Variants in IPPK observed in about 807,000 individuals in gnomAD.
IPPK encodes the protein inositol-pentakisphosphate 2-kinase.
IPPK carries 22 observed loss-of-function variants against 64.6 expected under a neutral mutation model. That is an observed-to-expected ratio of 0.34 (90% confidence interval 0.24 to 0.49). IPPK has a LOEUF of 0.49. Ranked by LOEUF, IPPK falls within the 20% of genes least tolerant of loss-of-function variation. The pLI is 0.99. For missense variants in IPPK, 532 were observed against 630.7 expected (o/e 0.84, Z 1.68); for synonymous variants, 262 against 247.2 (o/e 1.06, Z -0.56).
chr9:92,621,675 C>T (rs753403288), intron 11 of IPPK, among the ~76,000 whole-genome samples: 1 of 151,900 alleles, frequency 6.6e-6, no homozygotes, highest in African/African-American at 2.4e-5. Context: ...CCACCATACT[C>T]GGCTGATTTT....
rs1464940202 is a variant in IPPK, at chr9:92,669,766, G to A, written c.81+142C>T. 13 of 622,704 alleles carry A rather than the reference G, an allele frequency of 2.1e-5. No individual in the cohort carries two copies. The Admixed American group carries it at 3.0e-4, about 14-fold the overall frequency. 38.6% of individuals were successfully genotyped at this position (622,704 alleles called of 1,614,324 possible). On this transcript the variant is annotated intron_variant, in intron 1 of 12. Coordinates refer to ENST00000287996, the MANE Select transcript of IPPK (RefSeq NM_022755.6). ...GTAGGGGGGGATGCTGGAGGGTGGG[G>A]GAATTCCGGAGACCGGCCGGGGAGG...
chr9:92,654,777 C>G lies in IPPK; in HGVS notation c.225+1679G>C, dbSNP rs548574228. ...CATCACCCTCTAAATGGCAAAGGGA[C>G]AACTGCTCAGAAGGACAAAGAGCCG... On this transcript the variant is annotated intron_variant, in intron 3 of 12. Coordinates refer to ENST00000287996, the MANE Select transcript of IPPK (RefSeq NM_022755.6). Among the ~76,000 whole-genome samples the G allele has an allele frequency of 3.3e-5, 5 of 152,320 alleles. No homozygotes were observed. The South Asian group carries it at 1.0e-3, about 32-fold the overall frequency.
chr9:92,659,613 C>G (rs572624526), intron 1 of IPPK, among the ~76,000 whole-genome samples: 69 of 152,252 alleles, frequency 4.5e-4, no homozygotes, highest in African/African-American at 1.5e-3. Flanking sequence ...GTGGGGGGTC[C>G]AATGCCCTGG....
At chr9:92,657,559 TCTG>T (rs1852398813) in intron 2 of IPPK, among the ~76,000 whole-genome samples, 1 of 152,134 alleles carries the variant, frequency 6.6e-6, no homozygotes, top group African/African-American at 2.4e-5. Context: ...TGGTTTGGGC[TCTG>T]CAGTCACTGA....
At chr9:92,669,782 GC>G in intron 1 of IPPK, 125 bp downstream of exon 1, 1 of 656,662 alleles carries the variant, frequency 1.5e-6, no homozygotes, top group Non-Finnish European at 2.6e-6. Flanking sequence ...CCGGAGACCG[GC>G]CGGGGAGGAG....
intron 3 of IPPK, among the ~76,000 whole-genome samples, chr9:92,656,164 T>C (rs888643150): frequency 2.0e-5 from 3 of 152,092 alleles, no homozygotes; most frequent in African/African-American, 7.2e-5. Context: ...TGCCATTGCT[T>C]GAGGGGCATT....
chr9:92,658,147 G>T (rs1306002669), intron 2 of IPPK, among the ~76,000 whole-genome samples: 1 of 152,194 alleles, frequency 6.6e-6, no homozygotes, highest in Non-Finnish European at 1.5e-5. Flanking sequence ...AAAAAGAGAG[G>T]GCAATGCTTT....
intron 1 of IPPK, among the ~76,000 whole-genome samples, chr9:92,663,033 G>A (rs1405756363): frequency 1.3e-5 from 2 of 152,112 alleles, no homozygotes; most frequent in Non-Finnish European, 2.9e-5. Flanking sequence ...GGGAACACGT[G>A]AGCACCCTTC....
intron 1 of IPPK, among the ~76,000 whole-genome samples, chr9:92,668,058 A>G (rs1852637235): frequency 6.6e-6 from 1 of 152,144 alleles, no homozygotes; most frequent in Non-Finnish European, 1.5e-5. Context: ...ACTTGAGGTT[A>G]GGAGTTGGAG....
At chr9:92,621,948 A>G (rs1428128546) in intron 11 of IPPK, among the ~76,000 whole-genome samples, 1 of 152,246 alleles carries the variant, frequency 6.6e-6, no homozygotes, top group Non-Finnish European at 1.5e-5. Context: ...CACAGTTCTT[A>G]TCACTCATAA....
Position 92,635,072 on chromosome 9 carries a change from C to T in IPPK, c.1067+86G>A. 7.6e-7 allele frequency: 1 copy of T among 1,317,958 alleles called. No individual in the cohort carries two copies. The highest frequency in any genetic ancestry group is 2.4e-5 in the East Asian group (1 of 42,112). 81.6% of individuals were successfully genotyped at this position (1,317,958 alleles called of 1,614,324 possible). A position where few individuals can be genotyped will look rare whatever the true frequency, so the allele number is the denominator to read the frequency against. The stretch of plus-strand genomic sequence containing the variant: ...CGGCATGCTTCATCCTCCTGGGAAG[C>T]TGTGCCTTGGGAGGCGCATTCTTAC... On this transcript the variant is annotated intron_variant, in intron 10 of 12. Transcript: ENST00000287996. This position sits in a 1 kb window ranked among gnomAD's most constrained non-coding sequence, Gnocchi z 4.4.
intron 6 of IPPK, among the ~76,000 whole-genome samples, chr9:92,646,266 C>A (rs1011397533): frequency 1.3e-5 from 2 of 152,200 alleles, no homozygotes; most frequent in African/African-American, 2.4e-5. Flanking sequence ...ACACTATGAA[C>A]CAACTAGACC....
chr9:92,664,108 C>A (rs986788994), intron 1 of IPPK, among the ~76,000 whole-genome samples: 4 of 152,210 alleles, frequency 2.6e-5, no homozygotes, highest in African/African-American at 7.2e-5. Context: ...GAAGGCTGCC[C>A]GGGGTCTGTC....
chr9:92,662,243 G>A (rs2131463500), intron 1 of IPPK, among the ~76,000 whole-genome samples: 1 of 152,282 alleles, frequency 6.6e-6, no homozygotes, highest in African/African-American at 2.4e-5. Flanking sequence ...TGAAGAAAAA[G>A]GGCCAGGCGC....
At chr9:92,654,927 T>A (rs1282549489) in intron 3 of IPPK, among the ~76,000 whole-genome samples, 3 of 152,202 alleles carry the variant, frequency 2.0e-5, no homozygotes, top group African/African-American at 2.4e-5. Context: ...CTCACCAGGA[T>A]TTGGCCCACA....
intron 11 of IPPK, among the ~76,000 whole-genome samples, chr9:92,622,906 C>T (rs55944700): frequency 1.5e-4 from 23 of 152,218 alleles, no homozygotes; most frequent in Non-Finnish European, 2.9e-4. Flanking sequence ...ATTTCTGTGA[C>T]GACAGGATAA....
chr9:92,644,792 A>T (rs1852118394), intron 6 of IPPK, among the ~76,000 whole-genome samples: 1 of 152,200 alleles, frequency 6.6e-6, no homozygotes, highest in East Asian at 1.9e-4. Flanking sequence ...AATCCTGGAG[A>T]GGGAGTAGAA....
At chr9:92,668,874 T>C (rs1009135782) in intron 1 of IPPK, among the ~76,000 whole-genome samples, 1 of 152,192 alleles carries the variant, frequency 6.6e-6, no homozygotes, top group African/African-American at 2.4e-5. Context: ...GCACCCAGCA[T>C]AGGAACAACA....
At chr9:92,658,901 C>A (rs948881097) in intron 1 of IPPK, among the ~76,000 whole-genome samples, 1 of 152,212 alleles carries the variant, frequency 6.6e-6, no homozygotes, top group African/African-American at 2.4e-5. Context: ...GACCAGCCAG[C>A]CCCTCCCAGG....
Sources: gnomAD v4.1 joint callset for allele counts (sites outside exome capture counted in the v4.1 genomes callset) on GRCh38, gnomAD v4.1.1 for gene constraint, Gnocchi (gnomAD v3.1) non-coding constraint, MANE v1.5 for transcripts, NCBI Gene and HGNC (gene_info 2026-07-23, HGNC 2026-07-21) for gene names.